Variants in TMEFF2 observed in about 807,000 individuals in gnomAD.
TMEFF2 encodes tomoregulin-2.
Under a neutral mutation model 53.8 loss-of-function variants are expected in TMEFF2, and 28 were observed. The observed-to-expected ratio is 0.52, with a 90% confidence interval of 0.39 to 0.71. TMEFF2 has a LOEUF of 0.71. Ranked by LOEUF, TMEFF2 falls within the 30% of genes least tolerant of loss-of-function variation. The pLI is 0.00. For missense variants in TMEFF2, 353 were observed against 455.2 expected (o/e 0.78, Z 2.04); for synonymous variants, 162 against 166.3 (o/e 0.97, Z 0.20).
chr2:192,168,927 T>TA (rs1690839037), intron 4 of TMEFF2, among the ~76,000 whole-genome samples: 1 of 152,026 alleles, frequency 6.6e-6, no homozygotes, highest in Non-Finnish European at 1.5e-5. Flanking sequence ...TATCATAACA[T>TA]ACTGCTGCCT....
At chr2:192,118,692 T>C (rs1340371394) in intron 4 of TMEFF2, among the ~76,000 whole-genome samples, 1 of 152,176 alleles carries the variant, frequency 6.6e-6, no homozygotes, top group Non-Finnish European at 1.5e-5. Context: ...ACAAATTCCT[T>C]GAAGACCAAA....
In TMEFF2 at chr2:192,194,378, T is replaced by A. The variant is rs1420189216; in HGVS notation, c.147A>T (p.Gln49His). The change falls in exon 1 of 10, where the codon CAA (glutamine) becomes CAT (histidine). Residue 49 changes from glutamine to histidine, a missense_variant. Physicochemically the swap from Gln to His is conservative, Grantham distance 24. This residue lies in a region of TMEFF2 where 294 missense variants were observed against 397.3 expected (regional missense o/e 0.74). Coordinates refer to ENST00000272771, the MANE Select transcript of TMEFF2 (RefSeq NM_016192.4). This position sits in a 1 kb window ranked among gnomAD's most constrained non-coding sequence, Gnocchi z 4.2. The stretch of plus-strand genomic sequence containing the variant: ...CAGAGCAATTCCAGCCGGTGGGCGT[T>A]TGGCAGTCACTTAAGGAGGTAGGGA... ...AAFPTSLSDC[Q>H]TPTGWNCSGY... 6.2e-7 allele frequency: 1 copy of A among 1,613,916 alleles called. No individual in the cohort carries two copies. Among genetic ancestry groups the A allele is most frequent in the African/African-American group, 1.3e-5 (1 of 74,936 alleles).
chr2:192,037,273 T>TAAATAAAG (rs568551324), intron 5 of TMEFF2, among the ~76,000 whole-genome samples: 11 of 94,738 alleles, frequency 1.2e-4, no homozygotes, highest in African/African-American at 2.6e-4. Flanking sequence ...CTAGCCAAAA[T>TAAATAAAG]AAAGAAAGAA....
At chr2:191,989,027 C>A (rs1056318673) in intron 7 of TMEFF2, among the ~76,000 whole-genome samples, 1 of 152,088 alleles carries the variant, frequency 6.6e-6, no homozygotes, top group East Asian at 1.9e-4. Flanking sequence ...TGTTATTGGC[C>A]AAACCACTTT....
intron 4 of TMEFF2, among the ~76,000 whole-genome samples, chr2:192,113,754 A>G (rs2105958109): frequency 6.6e-6 from 1 of 152,308 alleles, no homozygotes; most frequent in Non-Finnish European, 1.5e-5. Flanking sequence ...GTTGCTCAAA[A>G]GCAGGTGAGA....
At chr2:192,135,607 C>G (rs1320798995) in intron 4 of TMEFF2, among the ~76,000 whole-genome samples, 1 of 151,986 alleles carries the variant, frequency 6.6e-6, no homozygotes, top group African/African-American at 2.4e-5. Flanking sequence ...CCATACCACC[C>G]CCCAAAAATT....
At chr2:192,179,914 G>A (rs1049104462) in intron 3 of TMEFF2, among the ~76,000 whole-genome samples, 4 of 151,170 alleles carry the variant, frequency 2.6e-5, no homozygotes, top group African/African-American at 7.3e-5. Context: ...AGAGCTTTAC[G>A]AAAACATTAT....
In TMEFF2 at chr2:192,075,868, A is replaced by G. The variant is rs967394293; in HGVS notation, c.440-18093T>C. On this transcript the variant is annotated intron_variant, in intron 4 of 9. Transcript: ENST00000272771. Reference sequence around the variant, plus strand: ...ATACTAAGGATGCATTTCATTTTTCATACTGTGGACTTTGTATTCTGTACT... The same window carrying G: ...ATACTAAGGATGCATTTCATTTTTCGTACTGTGGACTTTGTATTCTGTACT... Among the ~76,000 whole-genome samples, 3 of 152,184 alleles carry G rather than the reference A, an allele frequency of 2.0e-5. No homozygotes were observed. The South Asian group carries it at 6.2e-4, about 32-fold the overall frequency.
chr2:192,179,574 T>C (rs750817921), intron 4 of TMEFF2, 94 bp downstream of exon 4: 1 of 1,361,700 alleles, frequency 7.3e-7, no homozygotes, highest in Non-Finnish European at 9.9e-7. Context: ...AATATGAAAT[T>C]TGTCTTAAAT....
At chr2:191,958,846 T>C (rs1291297529) in intron 7 of TMEFF2, among the ~76,000 whole-genome samples, 2 of 152,172 alleles carry the variant, frequency 1.3e-5, no homozygotes, top group African/African-American at 4.8e-5. Flanking sequence ...TGAGGAATCA[T>C]CAATATATGT....
In TMEFF2 at chr2:192,059,070, A is replaced by G. The variant is rs544076891; in HGVS notation, c.440-1295T>C. Among the ~76,000 whole-genome samples, 55 of 152,278 alleles carry G rather than the reference A, an allele frequency of 3.6e-4. 1 individual carries two copies. The South Asian group carries it at 0.011, about 30-fold the overall frequency. Reference sequence around the variant, plus strand: ...TCAGATGAGTAATTTGATTTACTCAAAAAAGGACAAGAAGACATCCCTAGG... The same window carrying G: ...TCAGATGAGTAATTTGATTTACTCAGAAAAGGACAAGAAGACATCCCTAGG... On this transcript the variant is annotated intron_variant, in intron 4 of 9. Transcript: ENST00000272771.
Position 191,978,333 on chromosome 2 carries a change from T to G in TMEFF2, c.745+19929A>C, listed in dbSNP as rs114882610. 3.1e-3 allele frequency among the ~76,000 whole-genome samples: 472 copies of G among 152,268 alleles called. 1 individual carries two copies. Among genetic ancestry groups the G allele is most frequent in the Middle Eastern group, 6.8e-3 (2 of 294 alleles). On this transcript the variant is annotated intron_variant, in intron 7 of 9. Coordinates refer to ENST00000272771, the MANE Select transcript of TMEFF2 (RefSeq NM_016192.4). Reference sequence around the variant, plus strand: ...CAGCTTCTTAAATAGGTGGGTGGCCTTGGAAAAATTGCTTAATCTTTCTGA... The same window carrying G: ...CAGCTTCTTAAATAGGTGGGTGGCCGTGGAAAAATTGCTTAATCTTTCTGA...
chr2:192,087,064 A>G (rs192371353), intron 4 of TMEFF2, among the ~76,000 whole-genome samples: 58 of 150,532 alleles, frequency 3.9e-4, no homozygotes, highest in Non-Finnish European at 8.0e-4. Flanking sequence ...ATATTGATTT[A>G]TATAAATTAT....
chr2:192,179,560 G>A (rs764186144), intron 4 of TMEFF2, 108 bp downstream of exon 4: 2 of 1,262,906 alleles, frequency 1.6e-6, no homozygotes, highest in South Asian at 3.2e-5. Context: ...TTCCTAAAAT[G>A]CAAAATATGA....
chr2:191,949,436 T>C lies in TMEFF2; in HGVS notation c.*875A>G. Reference sequence around the variant, plus strand: ...CTTCTTTTCAAAGAACTATATACTATACATATTGTATGGTGCTTTTGAGAA... The same window carrying C: ...CTTCTTTTCAAAGAACTATATACTACACATATTGTATGGTGCTTTTGAGAA... On this transcript the variant is annotated 3_prime_UTR_variant, in exon 10 of 10. Transcript: ENST00000272771. 3 of 985,452 alleles carry C rather than the reference T, an allele frequency of 3.0e-6. No homozygotes were observed. In the South Asian group the frequency reaches 1.4e-4, roughly 46 times the overall value. 61.0% of individuals were successfully genotyped at this position (985,452 alleles called of 1,614,324 possible). A position where few individuals can be genotyped will look rare whatever the true frequency, so the allele number is the denominator to read the frequency against.
intron 4 of TMEFF2, among the ~76,000 whole-genome samples, chr2:192,164,540 C>G (rs1388539876): frequency 6.6e-6 from 1 of 151,962 alleles, no homozygotes; most frequent in Admixed American, 6.6e-5. Context: ...CCATCCTGGC[C>G]AACATAGTGA....
At position 192,132,879 on chromosome 2, in the gene TMEFF2, T is replaced by C. The variant is rs539203858; in HGVS notation, c.439+46789A>G. Among the ~76,000 whole-genome samples, 44 of 152,272 alleles carry C rather than the reference T, an allele frequency of 2.9e-4. No individual in the cohort carries two copies. The East Asian group carries it at 8.1e-3, about 28-fold the overall frequency. On this transcript the variant is annotated intron_variant, in intron 4 of 9. Transcript: ENST00000272771. ...TTTGACCGACTCCTTCTCGGCTTAG[T>C]GGCTGAAGACTGACGCTGCCTGATC...
chr2:192,174,389 A>G (rs754751887), intron 4 of TMEFF2, among the ~76,000 whole-genome samples: 2 of 151,502 alleles, frequency 1.3e-5, no homozygotes, highest in Non-Finnish European at 3.0e-5. Flanking sequence ...CTCCCTTTTC[A>G]TTTTCCATCA....
intron 4 of TMEFF2, among the ~76,000 whole-genome samples, chr2:192,127,908 T>C (rs931486568): frequency 1.3e-5 from 2 of 152,252 alleles, no homozygotes; most frequent in African/African-American, 2.4e-5. Context: ...TTTTATGTGC[T>C]ACATAACTCC....
Sources: allele counts gnomAD v4.1 joint callset (sites outside exome capture counted in the v4.1 genomes callset), GRCh38; gene constraint gnomAD v4.1.1; regional missense constraint gnomAD v4.1.1; non-coding constraint Gnocchi (gnomAD v3.1); transcripts MANE v1.5; gene names NCBI Gene and HGNC (gene_info 2026-07-23, HGNC 2026-07-21).